Variants in PARP6 observed in about 807,000 individuals in gnomAD.
The protein encoded by PARP6 is protein mono-ADP-ribosyltransferase PARP6.
PARP6 carries 27 observed loss-of-function variants against 92.0 expected under a neutral mutation model. The ratio of observed to expected loss-of-function variants is 0.29; its 90% confidence interval spans 0.22 to 0.40. PARP6 has a LOEUF of 0.40. Among genes scored for constraint, PARP6 ranks in the 10% least tolerant of loss-of-function variants. The pLI is 1.00. For missense variants in PARP6, 501 were observed against 784.5 expected (o/e 0.64, Z 4.32); for synonymous variants, 272 against 281.2 (o/e 0.97, Z 0.33).
At chr15:72,250,304 T>G in intron 18 of PARP6, 6 of 496,678 alleles carry the variant, frequency 1.2e-5, no homozygotes, top group East Asian at 6.6e-5. Flanking sequence ...CCATCCTCTC[T>G]TCGGTGCTTC....
At chr15:72,271,619 A>G (rs2087446683) in intron 1 of PARP6, among the ~76,000 whole-genome samples, 1 of 152,238 alleles carries the variant, frequency 6.6e-6, no homozygotes, top group Non-Finnish European at 1.5e-5. Flanking sequence ...GGAGTACAGA[A>G]GGACTGGGAT....
Position 72,251,231 on chromosome 15 carries a change from G to A in PARP6, c.1284C>T (p.His428=). The change falls in exon 17 of 24, where the codon CAC becomes CAT. Residue 428 remains histidine (H), a synonymous_variant. Transcript: ENST00000569795. ...LQWIISSNRS[H]IVKLPLSRLK... is the part of the protein sequence containing the mutation. Reference sequence around the variant, plus strand: ...CCCTGCTGAGAGGTAGTTTGACAATGTGTGACCTGTTGCTAGAGATGATCC... The same window carrying A: ...CCCTGCTGAGAGGTAGTTTGACAATATGTGACCTGTTGCTAGAGATGATCC... 1 of 1,596,864 alleles carries A rather than the reference G, an allele frequency of 6.3e-7. No homozygotes were observed. Among genetic ancestry groups the A allele is most frequent in the Non-Finnish European group, 8.6e-7 (1 of 1,164,938 alleles).
chr15:72,266,106 TA>T, intron 4 of PARP6, 115 bp from the exon 5 acceptor site: 1 of 763,974 alleles, frequency 1.3e-6, no homozygotes, highest in Non-Finnish European at 2.2e-6. Flanking sequence ...GACAGCAGTA[TA>T]GGGGAAGTAA....
In PARP6 at chr15:72,254,445, G is replaced by T; in HGVS notation, c.1191+10C>A. 2 of 1,601,910 alleles carry T rather than the reference G, an allele frequency of 1.2e-6. No homozygotes were observed. Among genetic ancestry groups the T allele is most frequent in the Non-Finnish European group, 1.7e-6 (2 of 1,168,794 alleles). On this transcript the variant is annotated intron_variant, in intron 15 of 23. Transcript: ENST00000569795. ...GGCAAAGGAGAGGGGACAGAGAGAA[G>T]GCAGAATACCTGGGTCATCTCCCGA...
chr15:72,242,736 A>C lies in PARP6; in HGVS notation c.1562-37T>G. The C allele has an allele frequency of 1.4e-6, 2 of 1,439,052 alleles. No homozygotes were observed. The highest frequency in any genetic ancestry group is 9.6e-7 in the Non-Finnish European group (1 of 1,038,766). 89.1% of individuals were successfully genotyped at this position (1,439,052 alleles called of 1,614,324 possible). A position where few individuals can be genotyped will look rare whatever the true frequency, so the allele number is the denominator to read the frequency against. Reference sequence around the variant, plus strand: ...CAATACACCCACTTCATTTATCAAAAATTTACGAAAGTGCCTACTATGTCC... The same window carrying C: ...CAATACACCCACTTCATTTATCAAACATTTACGAAAGTGCCTACTATGTCC... On this transcript the variant is annotated intron_variant, in intron 20 of 23. Coordinates refer to ENST00000569795, the MANE Select transcript of PARP6 (RefSeq NM_001323532.2). The surrounding 1 kb of genome is among the most constrained non-coding windows in gnomAD (Gnocchi z 4.3).
chr15:72,257,345 T>C lies in PARP6; in HGVS notation c.999+3A>G, dbSNP rs769185615. ...TCCCCAGCCACGTTTCCCTCCCCCATACCTCTGCTCCAGTGGCCACCTCCT... is the reference window on the plus strand; with the variant it reads ...TCCCCAGCCACGTTTCCCTCCCCCACACCTCTGCTCCAGTGGCCACCTCCT... On this transcript the variant is annotated splice_donor_region_variant and intron_variant, in intron 13 of 23. Coordinates refer to ENST00000569795, the MANE Select transcript of PARP6 (RefSeq NM_001323532.2). 2 of 1,608,580 alleles carry C rather than the reference T, an allele frequency of 1.2e-6. No homozygotes were observed. Among genetic ancestry groups the C allele is most frequent in the Non-Finnish European group, 1.7e-6 (2 of 1,175,088 alleles).
At chr15:72,254,254 C>T (rs569936113) in intron 15 of PARP6, among the ~76,000 whole-genome samples, 6 of 151,738 alleles carry the variant, frequency 4.0e-5, no homozygotes, top group Non-Finnish European at 8.8e-5. Context: ...GATTGAGACA[C>T]AAAGACTAAA....
chr15:72,252,705 G>A (rs1052691705), intron 16 of PARP6, among the ~76,000 whole-genome samples: 2 of 151,978 alleles, frequency 1.3e-5, no homozygotes, highest in Non-Finnish European at 2.9e-5. Context: ...GGCTGGTCTC[G>A]AACTCCCAAC....
intron 12 of PARP6, 69 bp from the exon 13 acceptor site, chr15:72,257,509 G>C: frequency 4.8e-6 from 6 of 1,248,830 alleles, no homozygotes; most frequent in Non-Finnish European, 4.7e-6. Context: ...GAGAGGGACA[G>C]TCCTAACCTC....
At chr15:72,266,634 T>C (rs1227061884) in intron 4 of PARP6, 111 bp downstream of exon 4, 2 of 803,074 alleles carry the variant, frequency 2.5e-6, no homozygotes, top group Non-Finnish European at 2.2e-6. Context: ...CACATCAACA[T>C]TATAACCTCA....
intron 2 of PARP6, among the ~76,000 whole-genome samples, chr15:72,270,593 G>A (rs995254774): frequency 6.6e-6 from 1 of 151,784 alleles, no homozygotes; most frequent in Non-Finnish European, 1.5e-5. Flanking sequence ...GCATATTCCC[G>A]CCATAGAGCC....
intron 10 of PARP6, among the ~76,000 whole-genome samples, chr15:72,260,142 CA>C (rs377042885): frequency 1.4e-3 from 211 of 152,258 alleles, no homozygotes; most frequent in African/African-American, 4.5e-3. Context: ...GCCAACATGG[CA>C]AAAGCCCGTC....
chr15:72,267,300 A>T, intron 3 of PARP6, 175 bp downstream of exon 3: 1 of 675,366 alleles, frequency 1.5e-6, no homozygotes, highest in Non-Finnish European at 2.6e-6. Flanking sequence ...AAAACCCACT[A>T]CACAAACACA....
At chr15:72,254,083 A>G in intron 15 of PARP6, 1 of 471,834 alleles carries the variant, frequency 2.1e-6, no homozygotes, top group Non-Finnish European at 4.2e-6. Flanking sequence ...AGAAGGATAG[A>G]AGATGTAGGC....
Position 72,242,637 on chromosome 15 carries a change from T to C in PARP6, c.1624A>G (p.Met542Val). The C allele has an allele frequency of 6.2e-7, 1 of 1,609,356 alleles. No homozygotes were observed. Among genetic ancestry groups the C allele is most frequent in the Non-Finnish European group, 8.5e-7 (1 of 1,175,672 alleles). ...TCCAATACCTGGGGGATGGTATTCATCCTGTTGTATCTCTGGACCAGCTCA... is the reference window on the plus strand; with the variant it reads ...TCCAATACCTGGGGGATGGTATTCACCCTGTTGTATCTCTGGACCAGCTCA... ...KDELVQRYNRMNTIPQTRSIQ... is the reference protein window; with the variant it reads ...KDELVQRYNRVNTIPQTRSIQ... Residue 542 changes from methionine (M) to valine (V), a missense_variant, in exon 21 of 24, where the codon ATG (methionine) becomes GTG (valine). Physicochemically the swap from Met to Val is conservative, Grantham distance 21 (BLOSUM62 1). This residue lies in a region of PARP6 where 191 missense variants were observed against 399.1 expected (regional missense o/e 0.48). Transcript: ENST00000569795. This position sits in a 1 kb window ranked among gnomAD's most constrained non-coding sequence, Gnocchi z 4.3.
chr15:72,252,692 TC>T (rs1427448590), intron 16 of PARP6, among the ~76,000 whole-genome samples: 1 of 151,912 alleles, frequency 6.6e-6, no homozygotes, highest in East Asian at 1.9e-4. Context: ...TCCATGTTGG[TC>T]AGGCTGGTCT....
At position 72,242,089 on chromosome 15, in the gene PARP6, T is replaced by C. The variant is rs539524202; in HGVS notation, c.1705+68A>G. The C allele has an allele frequency of 4.0e-6, 6 of 1,509,520 alleles. No homozygotes were observed. In the African/African-American group the frequency reaches 5.5e-5, roughly 14 times the overall value. The allele number at this position is 1,509,520 out of a possible 1,614,324, so 93.5% of individuals were successfully genotyped here. On this transcript the variant is annotated intron_variant, in intron 22 of 23. Coordinates refer to ENST00000569795, the MANE Select transcript of PARP6 (RefSeq NM_001323532.2). This position sits in a 1 kb window ranked among gnomAD's most constrained non-coding sequence, Gnocchi z 4.3. The stretch of plus-strand genomic sequence containing the variant: ...TTCAACATCACTCTTGGCCAGATCA[T>C]GTGCCAAAATTACATCAGAAACAAA...
rs779135300 is a variant in PARP6, at chr15:72,265,209, A to C, written c.238-38T>G. 54 of 1,448,724 alleles carry C rather than the reference A, an allele frequency of 3.7e-5. 1 individual carries two copies. The Middle Eastern group carries it at 6.9e-4, about 19-fold the overall frequency. The allele number at this position is 1,448,724 out of a possible 1,614,324, so 89.7% of individuals were successfully genotyped here. Reference sequence around the variant, plus strand: ...GGGAAATAGTTTCCAGTTTAGCAACATAGACGAATGGACCTGAAATTTCCC... The same window carrying C: ...GGGAAATAGTTTCCAGTTTAGCAACCTAGACGAATGGACCTGAAATTTCCC... On this transcript the variant is annotated intron_variant, in intron 6 of 23. Coordinates refer to ENST00000569795, the MANE Select transcript of PARP6 (RefSeq NM_001323532.2).
intron 2 of PARP6, among the ~76,000 whole-genome samples, chr15:72,269,899 CAAAA>C (rs59023007): frequency 2.4e-4 from 24 of 100,194 alleles, no homozygotes; most frequent in Admixed American, 4.2e-4. Context: ...AACTCTGTCT[CAAAA>C]AAAAAAAAAA....
Sources: allele counts gnomAD v4.1 joint callset (sites outside exome capture counted in the v4.1 genomes callset), GRCh38; gene constraint gnomAD v4.1.1; regional missense constraint gnomAD v4.1.1; non-coding constraint Gnocchi (gnomAD v3.1); transcripts MANE v1.5; gene names NCBI Gene and HGNC (gene_info 2026-07-23, HGNC 2026-07-21).